The following NPHP4 variants were observed in gnomAD, a reference collection of about 807,000 sequenced individuals.
NPHP4 encodes the protein nephrocystin-4.
Under a neutral mutation model 155.8 loss-of-function variants are expected in NPHP4, and 151 were observed. That is an observed-to-expected ratio of 0.97 (90% CI 0.85 to 1.11). The LOEUF (loss-of-function observed/expected upper bound fraction) is 1.11. Among genes scored for constraint, NPHP4 ranks in the 50% least tolerant of loss-of-function variants. NPHP4 has a pLI of 0.00. For synonymous variants in NPHP4, 845 were observed against 816.8 expected, an observed-to-expected ratio of 1.03 and a Z score of -0.59; for missense variants, 1,956 against 1,925.7, an observed-to-expected ratio of 1.02 and a Z score of -0.29.
rs759581829 is a variant in NPHP4 at position 5,867,038 on chromosome 1, G to C, written c.3550C>G (p.Gln1184Glu). The change falls in exon 25 of 30, where the codon CAG becomes GAG. Residue 1184 changes from glutamine to glutamate, a missense_variant. Physicochemically the swap from Gln to Glu is conservative, Grantham distance 29. Transcript: ENST00000378156. The surrounding 1 kb of genome is among the most constrained non-coding windows in gnomAD (Gnocchi z 4.1). The part of the protein sequence containing the change: ...CSDPNVICET[Q>E]NVGPGEPRDI... ...GCCACAACACAACCTACCACATTCTGGGTCTCACAGATGACGTTCGGGTCG... is the reference window on the plus strand; with the variant it reads ...GCCACAACACAACCTACCACATTCTCGGTCTCACAGATGACGTTCGGGTCG... 1 of 1,612,470 alleles carries C rather than the reference G, an allele frequency of 6.2e-7. No individual in the cohort carries two copies. The highest frequency in any genetic ancestry group is 8.5e-7 in the Non-Finnish European group (1 of 1,179,144).
rs747299953 is a variant in NPHP4 at position 5,948,050 on chromosome 1, G to C, written c.992+20C>G. On this transcript the variant is annotated intron_variant, in intron 8 of 29. Transcript: ENST00000378156. ...CCCTTGCACATCCCCACCCATCCCT[G>C]GGGACCCAAGAGACAATACCTGGTC... 3 of 1,602,148 alleles carry C rather than the reference G, an allele frequency of 1.9e-6. No individual in the cohort carries two copies. The highest frequency in any genetic ancestry group is 2.6e-6 in the Non-Finnish European group (3 of 1,169,284).
At chr1:5,927,537 A>C (rs780955435) in intron 11 of NPHP4, 112 bp downstream of exon 11, 1 of 1,192,370 alleles carries the variant, frequency 8.4e-7, no homozygotes, top group Non-Finnish European at 1.2e-6. Context: ...ATCTACGACG[A>C]TTATCTTACA....
chr1:5,942,428 G>A (rs572436033), intron 9 of NPHP4, among the ~76,000 whole-genome samples: 286 of 151,516 alleles, frequency 1.9e-3, no homozygotes, highest in African/African-American at 6.2e-3. Context: ...CTACTCAGGA[G>A]GCTGAGGCAG....
chr1:5,981,154 G>A (rs891843882), intron 2 of NPHP4, among the ~76,000 whole-genome samples: 2 of 152,108 alleles, frequency 1.3e-5, no homozygotes, highest in Non-Finnish European at 2.9e-5. Flanking sequence ...CCCCAGCACC[G>A]CCACCTCCTC....
At chr1:5,939,477 C>A (rs1478435586) in intron 9 of NPHP4, among the ~76,000 whole-genome samples, 1 of 152,232 alleles carries the variant, frequency 6.6e-6, no homozygotes, top group Non-Finnish European at 1.5e-5. Context: ...CTGGGTTGGG[C>A]AGGTGTGCAG....
intron 6 of NPHP4, among the ~76,000 whole-genome samples, chr1:5,958,775 C>T (rs1649725662): frequency 7.4e-6 from 1 of 135,526 alleles, no homozygotes; most frequent in South Asian, 2.3e-4. Flanking sequence ...GGGAGATTGA[C>T]TTGAGCATGG....
chr1:5,888,096 C>G (rs1643914615), intron 17 of NPHP4, among the ~76,000 whole-genome samples: 1 of 152,192 alleles, frequency 6.6e-6, no homozygotes. Flanking sequence ...GCCGGGAGCC[C>G]TGGGCTGGGG....
intron 11 of NPHP4, among the ~76,000 whole-genome samples, chr1:5,920,174 G>A (rs2101569907): frequency 6.6e-6 from 1 of 152,180 alleles, no homozygotes; most frequent in African/African-American, 2.4e-5. Flanking sequence ...CTCATGATAT[G>A]CCCGCCTGAA....
At chr1:5,871,630 C>A (rs926447614) in intron 23 of NPHP4, among the ~76,000 whole-genome samples, 1 of 152,188 alleles carries the variant, frequency 6.6e-6, no homozygotes, top group Non-Finnish European at 1.5e-5. Context: ...CAGCTGGATG[C>A]GAGTGAGGGA....
At chr1:5,865,516 G>C (rs1015188865) in intron 26 of NPHP4, 2 of 455,704 alleles carry the variant, frequency 4.4e-6, no homozygotes, top group South Asian at 5.4e-5. Flanking sequence ...ACCCACAGCA[G>C]AGGCTCTCAG....
rs1233700371 is a variant in NPHP4, at chr1:5,969,138, C to T, written c.401G>A (p.Arg134Gln). The T allele has an allele frequency of 2.4e-5, 38 of 1,551,932 alleles. No individual in the cohort carries two copies. Among genetic ancestry groups the T allele is most frequent in the Non-Finnish European group, 3.1e-5 (35 of 1,146,982 alleles). Residue 134 changes from arginine (R) to glutamine (Q), a missense_variant, in exon 4 of 30, where the codon CGG (arginine) becomes CAG (glutamine). By Grantham distance (43) the Arg-to-Gln change is conservative (BLOSUM62 1). Coordinates refer to ENST00000378156, the MANE Select transcript of NPHP4 (RefSeq NM_015102.5). ...QTLSCGFGIL[R>Q]IFSNQPDSPI... Reference sequence around the variant, plus strand: ...AGAGTCCGGCTGGTTGCTGAAGATCCGAAGAATTCCAAACCCACAGGACAA... The same window carrying T: ...AGAGTCCGGCTGGTTGCTGAAGATCTGAAGAATTCCAAACCCACAGGACAA...
chr1:5,944,962 A>G lies in NPHP4; in HGVS notation c.1119+2142T>C, dbSNP rs1323923039. On this transcript the variant is annotated intron_variant, in intron 9 of 29. Coordinates refer to ENST00000378156, the MANE Select transcript of NPHP4 (RefSeq NM_015102.5). This position sits in a 1 kb window ranked among gnomAD's most constrained non-coding sequence, Gnocchi z 4.3. Reference sequence around the variant, plus strand: ...GGCGACAGAGTGAGACTCTGTCTCGAAAAGAGAAGAGAAGAGAAATCAGTG... The same window carrying G: ...GGCGACAGAGTGAGACTCTGTCTCGGAAAGAGAAGAGAAGAGAAATCAGTG... Among the ~76,000 whole-genome samples, 1 of 152,162 alleles carries G rather than the reference A, an allele frequency of 6.6e-6. No individual in the cohort carries two copies. Among genetic ancestry groups the G allele is most frequent in the African/African-American group, 2.4e-5 (1 of 41,430 alleles).
At chr1:5,925,219 G>A (rs1645935844) in intron 11 of NPHP4, among the ~76,000 whole-genome samples, 1 of 152,168 alleles carries the variant, frequency 6.6e-6, no homozygotes, top group Non-Finnish European at 1.5e-5. Flanking sequence ...TATCTGCACT[G>A]AACACGTACA....
chr1:5,925,620 T>C (rs892667675), intron 11 of NPHP4, among the ~76,000 whole-genome samples: 12 of 151,982 alleles, frequency 7.9e-5, no homozygotes, highest in African/African-American at 2.9e-4. Context: ...TTTGTTTGTT[T>C]TGTTTTGTTT....
Position 5,905,189 on chromosome 1 carries a change from A to T in NPHP4, c.1955+103T>A, listed in dbSNP as rs1644855051. 3.3e-6 allele frequency: 3 copies of T among 921,736 alleles called. No individual in the cohort carries two copies. The highest frequency in any genetic ancestry group is 1.8e-6 in the Non-Finnish European group (1 of 562,372). 57.1% of individuals were successfully genotyped at this position (921,736 alleles called of 1,614,324 possible). On this transcript the variant is annotated intron_variant, in intron 15 of 29. Coordinates refer to ENST00000378156, the MANE Select transcript of NPHP4 (RefSeq NM_015102.5). The surrounding 1 kb of genome is among the most constrained non-coding windows in gnomAD (Gnocchi z 4.0). ...AGATGGCACTCCCGAATCTACTAAG[A>T]CCTCAGCACAGACAGTTCTGCCAGG... is the stretch of plus-strand genomic sequence containing the variant.
At chr1:5,886,599 G>A (rs1643825418) in intron 18 of NPHP4, 1 of 152,234 alleles carries the variant, frequency 6.6e-6, no homozygotes, top group Admixed American at 6.5e-5. Context: ...CTTGTCACTG[G>A]CCCTACAGGG....
In NPHP4 at chr1:5,990,648, G is replaced by A. The variant is rs965902333; in HGVS notation, c.-39+1596C>T. On this transcript the variant is annotated intron_variant, in intron 1 of 29. Coordinates refer to ENST00000378156, the MANE Select transcript of NPHP4 (RefSeq NM_015102.5). ...GTCACACAGCTAGCTATTATAACTA[G>A]CTATTATAATAGTATTATAGATATA... Among the ~76,000 whole-genome samples the A allele has an allele frequency of 9.9e-5, 15 of 152,206 alleles. No homozygotes were observed. The South Asian group carries it at 1.2e-3, about 13-fold the overall frequency.
chr1:5,867,884 C>T lies in NPHP4; in HGVS notation c.3328G>A (p.Ala1110Thr), dbSNP rs369241301. 1.2e-6 allele frequency: 2 copies of T among 1,613,964 alleles called. No homozygotes were observed. Among genetic ancestry groups the T allele is most frequent in the Non-Finnish European group, 1.7e-6 (2 of 1,179,892 alleles). The change falls in exon 24 of 30, where the codon GCG becomes ACG. Residue 1110 changes from alanine (A) to threonine (T), a missense_variant. Physicochemically the swap from Ala to Thr is moderately conservative, Grantham distance 58 (BLOSUM62 0). Coordinates refer to ENST00000378156, the MANE Select transcript of NPHP4 (RefSeq NM_015102.5). The surrounding 1 kb of genome is among the most constrained non-coding windows in gnomAD (Gnocchi z 4.1). ...PTKHAKVLFR[A>T]SGGKPIAVLC... ...ACGGCGATGGGCTTGCCACCACTCG[C>T]TCGGAACAAGACCTGTGAGGAGGCC...
chr1:5,894,038 T>C (rs1644272731), intron 16 of NPHP4, among the ~76,000 whole-genome samples: 1 of 152,208 alleles, frequency 6.6e-6, no homozygotes, highest in Non-Finnish European at 1.5e-5. Context: ...AAACTAATGA[T>C]TAATGATACT....
Sources: gnomAD v4.1 joint callset for allele counts (sites outside exome capture counted in the v4.1 genomes callset) on GRCh38, gnomAD v4.1.1 for gene constraint, Gnocchi (gnomAD v3.1) non-coding constraint, MANE v1.5 for transcripts, NCBI Gene and HGNC (gene_info 2026-07-23, HGNC 2026-07-21) for gene names.